Variants in PDE3A observed in about 807,000 individuals in gnomAD.
PDE3A encodes cGMP-inhibited 3',5'-cyclic phosphodiesterase 3A.
Under a neutral mutation model 98.3 loss-of-function variants are expected in PDE3A, and 43 were observed. The observed-to-expected ratio is 0.44, with a 90% CI of 0.34 to 0.56. PDE3A has a LOEUF of 0.56. PDE3A is among the 20% of genes least tolerant of loss of function. The pLI, the probability that PDE3A is intolerant of heterozygous loss-of-function variation, is 0.01. For missense variants in PDE3A, 1,427 were observed against 1,440.7 expected, an observed-to-expected ratio of 0.99 and a Z score of 0.15; for synonymous variants, 663 against 567.9, an observed-to-expected ratio of 1.17 and a Z score of -2.38.
At chr12:20,481,559 C>T (rs1462664667) in intron 1 of PDE3A, among the ~76,000 whole-genome samples, 1 of 151,968 alleles carries the variant, frequency 6.6e-6, no homozygotes, top group Admixed American at 6.6e-5. Flanking sequence ...AGGACCTACT[C>T]TTTGTTAGCT....
chr12:20,515,351 A>G (rs1361443774), intron 1 of PDE3A, among the ~76,000 whole-genome samples: 1 of 152,268 alleles, frequency 6.6e-6, no homozygotes, highest in Non-Finnish European at 1.5e-5. Context: ...TTCTGAATGC[A>G]TGACCTCAGA....
intron 15 of PDE3A, among the ~76,000 whole-genome samples, chr12:20,657,863 T>G (rs1163454380): frequency 2.0e-5 from 3 of 152,160 alleles, no homozygotes; most frequent in Non-Finnish European, 2.9e-5. Flanking sequence ...AAATTGAGCT[T>G]TTGTTAGCTT....
At chr12:20,612,249 T>TTA (rs10640777) in intron 2 of PDE3A, among the ~76,000 whole-genome samples, 129,714 of 149,964 alleles carry the variant, frequency 0.86, 56,132 homozygotes, top group Non-Finnish European at 0.88. Flanking sequence ...ATAAGTGGCT[T>TTA]TATATATATA....
At chr12:20,674,824 G>A (rs1421845766) in intron 15 of PDE3A, among the ~76,000 whole-genome samples, 1 of 151,276 alleles carries the variant, frequency 6.6e-6, no homozygotes, top group South Asian at 2.1e-4. Context: ...TATTTTTGGA[G>A]GTCTTCTCAT....
chr12:20,437,592 G>T (rs1171216709), intron 1 of PDE3A, among the ~76,000 whole-genome samples: 1 of 152,040 alleles, frequency 6.6e-6, no homozygotes, highest in Non-Finnish European at 1.5e-5. Context: ...GCGAGAAAGG[G>T]AGCAAAGTGA....
At chr12:20,630,566 T>A (rs10841576) in intron 6 of PDE3A, among the ~76,000 whole-genome samples, 62,781 of 151,992 alleles carry the variant, frequency 0.41, 13,620 homozygotes, top group African/African-American at 0.53. Flanking sequence ...TTAAAATGTG[T>A]GAATAATACA....
intron 1 of PDE3A, among the ~76,000 whole-genome samples, chr12:20,388,227 T>A (rs2120592310): frequency 6.6e-6 from 1 of 152,034 alleles, no homozygotes; most frequent in South Asian, 2.1e-4. Flanking sequence ...GGAAGTAAAA[T>A]CCTTTTGCAT....
intron 13 of PDE3A, among the ~76,000 whole-genome samples, chr12:20,649,438 G>A (rs890379241): frequency 2.8e-4 from 42 of 152,160 alleles, no homozygotes; most frequent in Admixed American, 2.7e-3. Context: ...CTGTGCTACA[G>A]AGGAATAACA....
intron 1 of PDE3A, among the ~76,000 whole-genome samples, chr12:20,400,497 C>G (rs757941600): frequency 1.4e-5 from 2 of 147,386 alleles, no homozygotes; most frequent in African/African-American, 2.6e-5. Context: ...AGCTCCACCT[C>G]CCTGGTTCAC....
intron 15 of PDE3A, among the ~76,000 whole-genome samples, chr12:20,669,239 T>A (rs1307651997): frequency 2.0e-5 from 3 of 151,982 alleles, no homozygotes; most frequent in Non-Finnish European, 4.4e-5. Flanking sequence ...TACCTGAAAG[T>A]GATGGGGAGA....
intron 1 of PDE3A, among the ~76,000 whole-genome samples, chr12:20,541,960 G>T (rs1941923888): frequency 6.6e-6 from 1 of 152,032 alleles, no homozygotes; most frequent in Admixed American, 6.6e-5. Flanking sequence ...AATTGAAAGT[G>T]GAACTAAAGT....
chr12:20,622,206 C>G (rs1944154105), intron 5 of PDE3A, among the ~76,000 whole-genome samples: 1 of 152,050 alleles, frequency 6.6e-6, no homozygotes, highest in Non-Finnish European at 1.5e-5. Flanking sequence ...CATGGCAACC[C>G]CAAACTCCAA....
rs115016777 is a variant in PDE3A, at chr12:20,571,443, C to T, written c.1011+14733C>T. ...CTGACCCCCCTGGAGTTGTGCAGCG[C>T]ACAACACTCACAACTGCATACATGA... On this transcript the variant is annotated intron_variant, in intron 2 of 15. Coordinates refer to ENST00000359062, the MANE Select transcript of PDE3A (RefSeq NM_000921.5). Among the ~76,000 whole-genome samples, 1,213 of 152,222 alleles carry T rather than the reference C, an allele frequency of 8.0e-3. 16 individuals are homozygous for T. Among genetic ancestry groups the T allele is most frequent in the African/African-American group, 0.028 (1,161 of 41,540 alleles).
chr12:20,616,356 A>T lies in PDE3A; in HGVS notation c.1396A>T (p.Ile466Phe), dbSNP rs1944008514. 1 of 1,613,384 alleles carries T rather than the reference A, an allele frequency of 6.2e-7. No homozygotes were observed. Among genetic ancestry groups the T allele is most frequent in the Admixed American group, 1.7e-5 (1 of 59,996 alleles). The change falls in exon 4 of 16, where the codon ATC becomes TTC. Residue 466 changes from isoleucine (I) to phenylalanine (F), a missense_variant. By Grantham distance (21) the Ile-to-Phe change is conservative (BLOSUM62 0). Coordinates refer to ENST00000359062, the MANE Select transcript of PDE3A (RefSeq NM_000921.5). ...AGTACGGAGAGACCGCAGCACCAGC[A>T]TCAAACTGCAGGAAGCACCTTCATC... ...APVRRDRSTS[I>F]KLQEAPSSSP...
In PDE3A at chr12:20,480,549, G is replaced by A. The variant is rs148490990; in HGVS notation, c.961-76111G>A. ...AGCATTTGCAAAACACACACACAGA[G>A]GATCTTATTATTGAAGAAATGCCTA... is the stretch of plus-strand genomic sequence containing the variant. On this transcript the variant is annotated intron_variant, in intron 1 of 15. Coordinates refer to ENST00000359062, the MANE Select transcript of PDE3A (RefSeq NM_000921.5). 2.6e-3 allele frequency among the ~76,000 whole-genome samples: 390 copies of A among 152,228 alleles called. 3 individuals are homozygous for A. Among genetic ancestry groups the A allele is most frequent in the African/African-American group, 8.9e-3 (369 of 41,550 alleles).
rs1945982827 is a variant in PDE3A, at chr12:20,686,983, T to C, written c.*6712T>C. The stretch of plus-strand genomic sequence containing the variant: ...GACTTGTGGATACACTGTTCAACCA[T>C]GACTTCCTTTATGACAAGGAGCACT... On this transcript the variant is annotated 3_prime_UTR_variant, in exon 16 of 16. Transcript: ENST00000359062. 6.6e-6 allele frequency among the ~76,000 whole-genome samples: 1 copy of C among 152,148 alleles called. No homozygotes were observed. The highest frequency in any genetic ancestry group is 1.5e-5 in the Non-Finnish European group (1 of 67,998).
At chr12:20,672,587 A>C (rs1413924588) in intron 15 of PDE3A, among the ~76,000 whole-genome samples, 2 of 146,614 alleles carry the variant, frequency 1.4e-5, no homozygotes, top group Non-Finnish European at 3.0e-5. Context: ...TGAGAAAAAC[A>C]AGCAATGGGG....
At chr12:20,511,749 G>A (rs956653543) in intron 1 of PDE3A, among the ~76,000 whole-genome samples, 5 of 152,004 alleles carry the variant, frequency 3.3e-5, no homozygotes, top group African/African-American at 4.8e-5. Flanking sequence ...AGAGACTTGG[G>A]CAAAGTCTTC....
At chr12:20,472,649 T>C (rs1463080191) in intron 1 of PDE3A, among the ~76,000 whole-genome samples, 7 of 152,170 alleles carry the variant, frequency 4.6e-5, no homozygotes, top group Non-Finnish European at 4.4e-5. Flanking sequence ...AGTAAGTAGC[T>C]AGTGACTCTG....
Sources: gnomAD v4.1 joint callset for allele counts (sites outside exome capture counted in the v4.1 genomes callset) on GRCh38, gnomAD v4.1.1 for gene constraint, MANE v1.5 for transcripts, NCBI Gene and HGNC (gene_info 2026-07-23, HGNC 2026-07-21) for gene names.